SCRIB: variants seen among roughly 807,000 people sequenced by gnomAD.
SCRIB encodes the protein scribble planar cell polarity protein.
SCRIB carries 72 observed loss-of-function variants against 170.0 expected under a neutral mutation model. The ratio of observed to expected loss-of-function variants is 0.42; its 90% CI spans 0.35 to 0.52. The LOEUF (loss-of-function observed/expected upper bound fraction) is 0.52. Ranked by LOEUF, SCRIB falls within the 20% of genes least tolerant of loss-of-function variation. SCRIB has a pLI of 0.02. For synonymous variants in SCRIB, 1,298 were observed against 1,044.3 expected (o/e 1.24, Z -4.68); for missense variants, 2,475 against 2,338.5 (o/e 1.06, Z -1.20).
chr8:143,813,163 C>G, intron 6 of SCRIB, 59 bp from the exon 7 acceptor site: 1 of 1,585,522 alleles, frequency 6.3e-7, no homozygotes, highest in Non-Finnish European at 8.6e-7. Context: ...CTGCGCCGTG[C>G]TCAAGAGACT....
chr8:143,798,128 C>T (rs879981856), intron 24 of SCRIB, among the ~76,000 whole-genome samples: 4 of 152,018 alleles, frequency 2.6e-5, no homozygotes, highest in Admixed American at 6.6e-5. Flanking sequence ...CGGTGGCAGA[C>T]GCCTGTAATC....
At chr8:143,807,164 C>T (rs1353977178) in intron 16 of SCRIB, 151 bp from the exon 17 acceptor site, 10 of 651,356 alleles carry the variant, frequency 1.5e-5, no homozygotes, top group East Asian at 8.2e-5. Context: ...CAGGGCCAGC[C>T]CAGACGCCAG....
At position 143,791,985 on chromosome 8, in the gene SCRIB, A is replaced by C; in HGVS notation, c.4657+6T>G. On this transcript the variant is annotated splice_donor_region_variant and intron_variant, in intron 33 of 36. Transcript: ENST00000356994. ...TGACCCCCCCGACCTGCCCTGACCC[A>C]CAGACCTTCCACAGGGGTGGGCGAC... The C allele has an allele frequency of 6.6e-7, 1 of 1,506,664 alleles. No homozygotes were observed. The highest frequency in any genetic ancestry group is 8.9e-7 in the Non-Finnish European group (1 of 1,127,782). The allele number at this position is 1,506,664 out of a possible 1,614,324, so 93.3% of individuals were successfully genotyped here.
In SCRIB at chr8:143,792,433, G is replaced by A. The variant is rs782559965; in HGVS notation, c.4329-28C>T. On this transcript the variant is annotated intron_variant, in intron 31 of 36. Coordinates refer to ENST00000356994, the MANE Select transcript of SCRIB (RefSeq NM_182706.5). ...GGGGAAGGGACAGGACGTGCTGTGG[G>A]GGGCAGGGGCACGTGGGGTGAGTAG... The A allele has an allele frequency of 6.0e-6, 9 of 1,507,358 alleles. No homozygotes were observed. The Admixed American group carries it at 1.4e-4, about 24-fold the overall frequency. The allele number at this position is 1,507,358 out of a possible 1,614,324, so 93.4% of individuals were successfully genotyped here. A position where few individuals can be genotyped will look rare whatever the true frequency, so the allele number is the denominator to read the frequency against.
In SCRIB at chr8:143,793,019, G is replaced by A. The variant is rs782147408; in HGVS notation, c.3974C>T (p.Ala1325Val). The change falls in exon 29 of 37, where the codon GCG becomes GTG. Residue 1325 changes from alanine (A) to valine (V), a missense_variant. This residue lies in a region of SCRIB where 1,966 missense variants were observed against 1,742.9 expected (regional missense o/e 1.13). Coordinates refer to ENST00000356994, the MANE Select transcript of SCRIB (RefSeq NM_182706.5). ...AGGCGGGTGAGAAGTGGGCACGGCC[G>A]CGAAGGCCCTGTAGGCCTGCTTCAC... Reference protein sequence around the residue: ...ANVKQAYRAFAAVPTSHPPED... With the variant: ...ANVKQAYRAFVAVPTSHPPED... 42 of 1,515,006 alleles carry A rather than the reference G, an allele frequency of 2.8e-5. No homozygotes were observed. The highest frequency in any genetic ancestry group is 9.0e-5 in the Admixed American group (4 of 44,652). 93.8% of individuals were successfully genotyped at this position (1,515,006 alleles called of 1,614,324 possible). A position where few individuals can be genotyped will look rare whatever the true frequency, so the allele number is the denominator to read the frequency against.
intron 24 of SCRIB, among the ~76,000 whole-genome samples, chr8:143,798,806 G>T (rs563770661): frequency 1.1e-4 from 16 of 152,114 alleles, no homozygotes; most frequent in Non-Finnish European, 2.4e-4. Context: ...TCCTGAGCAC[G>T]CCTGGCCCAT....
At chr8:143,796,073 C>G (rs10090912) in intron 24 of SCRIB, among the ~76,000 whole-genome samples, 1,971 of 152,070 alleles carry the variant, frequency 0.013, 18 homozygotes, top group African/African-American at 0.021. Flanking sequence ...GCGGAGGGGG[C>G]GTCTAGAAAG....
intron 4 of SCRIB, 55 bp downstream of exon 4, chr8:143,813,582 C>T (rs918910315): frequency 2.5e-6 from 4 of 1,612,154 alleles, no homozygotes; most frequent in Middle Eastern, 1.7e-4. Flanking sequence ...GCAGCAGGGG[C>T]AGGGCCAATC....
At chr8:143,796,535 G>A (rs889403884) in intron 24 of SCRIB, among the ~76,000 whole-genome samples, 7 of 152,160 alleles carry the variant, frequency 4.6e-5, no homozygotes, top group African/African-American at 7.2e-5. Flanking sequence ...CAGAGCTGTC[G>A]AGCAGGCAGA....
Position 143,812,283 on chromosome 8 carries a change from T to C in SCRIB, c.889A>G (p.Thr297Ala), listed in dbSNP as rs771100231. ...GACCCTACCATCAGCAGGTTCTCCGTGAGGATCAGCTCAGAGAGGTTCTCA... is the reference window on the plus strand; with the variant it reads ...GACCCTACCATCAGCAGGTTCTCCGCGAGGATCAGCTCAGAGAGGTTCTCA... ...DCENLSELIL[T>A]ENLLMALPRS... Residue 297 changes from threonine (T) to alanine (A), a missense_variant, in exon 9 of 37, where the codon ACG becomes GCG. Transcript: ENST00000356994. The C allele has an allele frequency of 3.7e-6, 6 of 1,610,410 alleles. No homozygotes were observed. The Admixed American group carries it at 8.3e-5, about 22-fold the overall frequency.
intron 18 of SCRIB, among the ~76,000 whole-genome samples, chr8:143,806,028 T>G (rs1337414829): frequency 6.6e-6 from 1 of 151,448 alleles, no homozygotes; most frequent in East Asian, 1.9e-4. Flanking sequence ...CCATACAGGG[T>G]CCAAACCCCA....
At chr8:143,813,553 A>C in intron 4 of SCRIB, 27 bp from the exon 5 acceptor site, 1 of 1,613,184 alleles carries the variant, frequency 6.2e-7, no homozygotes, top group Non-Finnish European at 8.5e-7. Flanking sequence ...GCGCTGGGGC[A>C]AGAGGAAGGA....
Position 143,815,308 on chromosome 8 carries a change from C to T in SCRIB, c.65G>A (p.Cys22Tyr), listed in dbSNP as rs1467543871. 2 of 1,588,602 alleles carry T rather than the reference C, an allele frequency of 1.3e-6. No homozygotes were observed. The highest frequency in any genetic ancestry group is 1.7e-5 in the Admixed American group (1 of 58,486). Residue 22 changes from cysteine (C) to tyrosine (Y), a missense_variant, in exon 1 of 37, where the codon TGT becomes TAT. By Grantham distance (194) the Cys-to-Tyr change is radical (BLOSUM62 -2). Around this residue, in one of 3 missense-constraint regions of SCRIB, gnomAD observed 487 missense variants for 558.1 expected, o/e 0.87. Transcript: ENST00000356994. ...CTCCTCCGGCACGGCCTGCAGCGAA[C>T]AGTGCCGCTTGTCCACCGACTCCAC... ...RHVESVDKRH[C>Y]SLQAVPEEIY... is the part of the protein sequence containing the mutation.
chr8:143,812,046 G>A (rs569699699), intron 9 of SCRIB, among the ~76,000 whole-genome samples: 1 of 152,296 alleles, frequency 6.6e-6, no homozygotes, highest in African/African-American at 2.4e-5. Flanking sequence ...ACGAGACCTA[G>A]ATTCTTCACG....
rs781956658 is a variant in SCRIB, at chr8:143,792,792, C to T, written c.4093G>A (p.Val1365Met). The T allele has an allele frequency of 1.3e-5, 21 of 1,575,152 alleles. No homozygotes were observed. Among genetic ancestry groups the T allele is most frequent in the Middle Eastern group, 1.7e-4 (1 of 5,906 alleles). Reference protein sequence around the residue: ...RERQKYFELEVRVPQAEGPPK... With the variant: ...RERQKYFELEMRVPQAEGPPK... ...GGGCCCTCGGCCTGGGGCACGCGCACCTCCAGCTCAAAGTACTTCTGCCGC... is the reference window on the plus strand; with the variant it reads ...GGGCCCTCGGCCTGGGGCACGCGCATCTCCAGCTCAAAGTACTTCTGCCGC... Residue 1365 changes from valine (V) to methionine (M), a missense_variant, in exon 30 of 37, where the codon GTG (valine) becomes ATG (methionine). This residue lies in a region of SCRIB where 1,966 missense variants were observed against 1,742.9 expected (regional missense o/e 1.13). Coordinates refer to ENST00000356994, the MANE Select transcript of SCRIB (RefSeq NM_182706.5).
chr8:143,801,705 AAG>A, intron 24 of SCRIB, among the ~76,000 whole-genome samples: 1 of 152,172 alleles, frequency 6.6e-6, no homozygotes, highest in Non-Finnish European at 1.5e-5. Context: ...GGACATGGGA[AAG>A]AGGTAGCAGT....
chr8:143,799,585 G>T (rs1396059254), intron 24 of SCRIB, among the ~76,000 whole-genome samples: 1 of 152,210 alleles, frequency 6.6e-6, no homozygotes, highest in Non-Finnish European at 1.5e-5. Flanking sequence ...GCAGGGGTCG[G>T]CGCCGACCAT....
rs1587530073 is a variant in SCRIB at position 143,805,214 on chromosome 8, G to A, written c.2568C>T (p.Pro856=). 6.4e-7 allele frequency: 1 copy of A among 1,555,664 alleles called. No individual in the cohort carries two copies. The highest frequency in any genetic ancestry group is 8.7e-7 in the Non-Finnish European group (1 of 1,155,098). Residue 856 remains proline, a synonymous_variant, in exon 19 of 37, where the codon CCC becomes CCT. Transcript: ENST00000356994. The part of the protein sequence containing the change: ...LPLLPPESPG[P]LRQRHVACLA... ...GGCAGGCCACGTGGCGCTGACGGAG[G>A]GGCCCGGGGCTCTCAGGCGGGAGCA...
intron 14 of SCRIB, 52 bp downstream of exon 14, chr8:143,809,499 C>A: frequency 6.4e-7 from 1 of 1,566,580 alleles, no homozygotes. Context: ...GCAGGGGAGG[C>A]AGCCCCCACC....
Sources: allele counts gnomAD v4.1 joint callset (sites outside exome capture counted in the v4.1 genomes callset), GRCh38; gene constraint gnomAD v4.1.1; regional missense constraint gnomAD v4.1.1; transcripts MANE v1.5; gene names NCBI Gene and HGNC (gene_info 2026-07-23, HGNC 2026-07-21).